Variants in OXR1 observed in about 807,000 individuals in gnomAD.
OXR1 encodes oxidation resistance protein 1.
Under a neutral mutation model 104.6 loss-of-function variants are expected in OXR1, and 41 were observed. The observed-to-expected ratio is 0.39, with a 90% CI of 0.31 to 0.51. The LOEUF is 0.51. Among genes scored for constraint, OXR1 ranks in the 20% least tolerant of loss-of-function variants. The probability of loss-of-function intolerance (pLI) is 0.77; values close to 1 mark genes in which losing one functional copy is unlikely to be tolerated. For synonymous variants in OXR1, 348 were observed against 348.4 expected (o/e 1.00, Z 0.01); for missense variants, 955 against 1,031.9 (o/e 0.93, Z 1.02).
intron 3 of OXR1, among the ~76,000 whole-genome samples, chr8:106,573,606 A>G (rs1817630111): frequency 6.6e-6 from 1 of 152,226 alleles, no homozygotes; most frequent in African/African-American, 2.4e-5. Flanking sequence ...TAGTTCTTCA[A>G]ATAAAGCCAT....
At chr8:106,486,043 T>C (rs1810632143) in intron 2 of OXR1, among the ~76,000 whole-genome samples, 1 of 152,042 alleles carries the variant, frequency 6.6e-6, no homozygotes, top group Non-Finnish European at 1.5e-5. Context: ...AAGAGATCTA[T>C]TGTACAACAT....
intron 2 of OXR1, among the ~76,000 whole-genome samples, chr8:106,444,580 C>T (rs1017006313): frequency 6.6e-6 from 1 of 152,078 alleles, no homozygotes; most frequent in Non-Finnish European, 1.5e-5. Flanking sequence ...AGCAAACTAA[C>T]ACAGGAACAG....
chr8:106,542,674 T>G (rs1412117531), intron 3 of OXR1, among the ~76,000 whole-genome samples: 1 of 152,062 alleles, frequency 6.6e-6, no homozygotes, highest in Non-Finnish European at 1.5e-5. Flanking sequence ...TGCATAAAAA[T>G]AGATTCAGTT....
At chr8:106,695,665 G>A (rs748474627) in intron 7 of OXR1, among the ~76,000 whole-genome samples, 6 of 152,030 alleles carry the variant, frequency 3.9e-5, no homozygotes, top group Non-Finnish European at 8.8e-5. Flanking sequence ...TGATCCGCCT[G>A]CTTCAGCCTC....
intron 6 of OXR1, among the ~76,000 whole-genome samples, chr8:106,688,392 A>C (rs1828952626): frequency 6.6e-6 from 1 of 152,052 alleles, no homozygotes; most frequent in African/African-American, 2.4e-5. Flanking sequence ...CTTGAATTGG[A>C]TACACATGAT....
chr8:106,627,744 C>T (rs1340108277), intron 3 of OXR1, among the ~76,000 whole-genome samples: 1 of 152,112 alleles, frequency 6.6e-6, no homozygotes, highest in Non-Finnish European at 1.5e-5. Flanking sequence ...TGCCACTTAG[C>T]AATAAAGAGA....
chr8:106,345,131 T>C (rs1178249516), intron 1 of OXR1, among the ~76,000 whole-genome samples: 1 of 152,266 alleles, frequency 6.6e-6, no homozygotes, highest in Non-Finnish European at 1.5e-5. Flanking sequence ...CCTATTTTAT[T>C]ATTTCTTATA....
chr8:106,439,087 TTG>T (rs776514669), intron 2 of OXR1, among the ~76,000 whole-genome samples: 4 of 151,974 alleles, frequency 2.6e-5, no homozygotes, highest in Non-Finnish European at 5.9e-5. Context: ...GTATTTCTAT[TTG>T]TGTTTGTTAC....
chr8:106,338,231 A>C (rs1180743668), intron 1 of OXR1, among the ~76,000 whole-genome samples: 1 of 152,104 alleles, frequency 6.6e-6, no homozygotes, highest in Non-Finnish European at 1.5e-5. Context: ...ATTCTATTCT[A>C]TCCGAATCAG....
At position 106,683,089 on chromosome 8, in the gene OXR1, G is replaced by C. The variant is rs1446737521; in HGVS notation, c.304-110G>C. On this transcript the variant is annotated intron_variant, in intron 4 of 16. Coordinates refer to ENST00000517566, the MANE Select transcript of OXR1 (RefSeq NM_001198533.2). The stretch of plus-strand genomic sequence containing the variant: ...GTTATTTTCAAAGATGACAATACCA[G>C]TTGTTAATCAAATGTAAGCTGGTCC... 4 of 554,452 alleles carry C rather than the reference G, an allele frequency of 7.2e-6. No homozygotes were observed. The Admixed American group carries it at 1.2e-4, about 17-fold the overall frequency. 34.3% of individuals were successfully genotyped at this position (554,452 alleles called of 1,614,324 possible). A position where few individuals can be genotyped will look rare whatever the true frequency, so the allele number is the denominator to read the frequency against.
intron 1 of OXR1, among the ~76,000 whole-genome samples, chr8:106,326,503 C>A (rs568991729): frequency 1.3e-5 from 2 of 152,266 alleles, no homozygotes; most frequent in South Asian, 4.2e-4. Flanking sequence ...AATAAAGTAA[C>A]CAGTTGATTT....
chr8:106,637,114 T>G (rs549267509), intron 3 of OXR1, among the ~76,000 whole-genome samples: 1 of 152,334 alleles, frequency 6.6e-6, no homozygotes, highest in East Asian at 1.9e-4. Context: ...TCAGCTTGTT[T>G]GTTTTGCTAT....
At chr8:106,331,327 G>A (rs1814704529) in intron 1 of OXR1, among the ~76,000 whole-genome samples, 1 of 152,118 alleles carries the variant, frequency 6.6e-6, no homozygotes, top group African/African-American at 2.4e-5. Context: ...TGATTAAAAT[G>A]AAATGTTTGA....
chr8:106,420,053 C>T (rs1172736335), intron 2 of OXR1, among the ~76,000 whole-genome samples: 9 of 151,940 alleles, frequency 5.9e-5, no homozygotes, highest in Admixed American at 5.9e-4. Context: ...CTCAAAAATA[C>T]CTTTAAGTAT....
intron 2 of OXR1, among the ~76,000 whole-genome samples, chr8:106,398,822 C>CT (rs1289769760): frequency 6.6e-6 from 1 of 152,146 alleles, no homozygotes; most frequent in Non-Finnish European, 1.5e-5. Flanking sequence ...ATACAGACAT[C>CT]TGAGAGTATA....
chr8:106,685,808 TAA>T (rs1828654050), intron 6 of OXR1, among the ~76,000 whole-genome samples: 1 of 151,996 alleles, frequency 6.6e-6, no homozygotes, highest in Non-Finnish European at 1.5e-5. Flanking sequence ...AGTCATTATA[TAA>T]AAAAGATACT....
At chr8:106,455,298 C>A (rs1273089363) in intron 2 of OXR1, among the ~76,000 whole-genome samples, 1 of 152,182 alleles carries the variant, frequency 6.6e-6, no homozygotes, top group Admixed American at 6.5e-5. Context: ...TTGTGCATTT[C>A]ATCAGGATTG....
At chr8:106,551,965 G>A (rs1398920527) in intron 3 of OXR1, among the ~76,000 whole-genome samples, 1 of 150,300 alleles carries the variant, frequency 6.7e-6, no homozygotes, top group African/African-American at 2.5e-5. Context: ...GGAGGCTGAG[G>A]CAGGAGGATT....
chr8:106,435,564 C>T (rs187260484), intron 2 of OXR1, among the ~76,000 whole-genome samples: 2 of 152,180 alleles, frequency 1.3e-5, no homozygotes, highest in East Asian at 3.9e-4. Context: ...ATAAGCACAT[C>T]GGGGACTTCT....
Sources: allele counts gnomAD v4.1 joint callset (sites outside exome capture counted in the v4.1 genomes callset), GRCh38; gene constraint gnomAD v4.1.1; transcripts MANE v1.5; gene names NCBI Gene and HGNC (gene_info 2026-07-23, HGNC 2026-07-21).